ASTN2: variants seen among roughly 807,000 people sequenced by gnomAD.
ASTN2 encodes astrotactin 2.
Under a neutral mutation model 139.8 loss-of-function variants are expected in ASTN2, and 54 were observed. That is an observed-to-expected ratio of 0.39 (90% CI 0.31 to 0.48). The LOEUF is 0.48. Ranked by LOEUF, ASTN2 falls within the 20% of genes least tolerant of loss-of-function variation. The pLI is 0.95. For synonymous variants in ASTN2, 756 were observed against 719.5 expected, an observed-to-expected ratio of 1.05 and a Z score of -0.81; for missense variants, 1,565 against 1,725.1, an observed-to-expected ratio of 0.91 and a Z score of 1.64.
chr9:116,617,893 A>G (rs894889007), intron 19 of ASTN2, among the ~76,000 whole-genome samples: 9 of 152,174 alleles, frequency 5.9e-5, no homozygotes, highest in African/African-American at 2.2e-4. Flanking sequence ...ATCACTTCCA[A>G]TTATCTCTCT....
intron 13 of ASTN2, among the ~76,000 whole-genome samples, chr9:116,787,927 T>C (rs1830420531): frequency 6.6e-6 from 1 of 152,198 alleles, no homozygotes; most frequent in Non-Finnish European, 1.5e-5. Context: ...GGGAAACTGA[T>C]TGCAGGGTAT....
intron 16 of ASTN2, among the ~76,000 whole-genome samples, chr9:116,715,359 G>A (rs1197564568): frequency 1.3e-5 from 2 of 152,128 alleles, no homozygotes; most frequent in African/African-American, 4.8e-5. Context: ...GGGGATGCAG[G>A]TACTATATTG....
intron 2 of ASTN2, among the ~76,000 whole-genome samples, chr9:117,287,438 G>C (rs1981126): frequency 0.44 from 67,258 of 151,972 alleles, 15,203 homozygotes; most frequent in East Asian, 0.57. Flanking sequence ...GAAAATGGTG[G>C]CCTGTTATAT....
intron 20 of ASTN2, among the ~76,000 whole-genome samples, chr9:116,456,908 G>C (rs912863076): frequency 1.3e-5 from 2 of 152,094 alleles, no homozygotes; most frequent in Non-Finnish European, 2.9e-5. Context: ...ATCCTGAGCA[G>C]AGAGAACAAA....
At chr9:117,072,857 AG>A (rs1828171651) in intron 5 of ASTN2, among the ~76,000 whole-genome samples, 1 of 152,210 alleles carries the variant, frequency 6.6e-6, no homozygotes, top group Non-Finnish European at 1.5e-5. Context: ...TAGCATACAA[AG>A]GGTTAGGTAT....
intron 10 of ASTN2, among the ~76,000 whole-genome samples, chr9:116,942,067 T>C (rs893879472): frequency 1.4e-5 from 2 of 142,076 alleles, no homozygotes; most frequent in Non-Finnish European, 3.1e-5. Context: ...TGTATGTGCA[T>C]GCAAGTGCAC....
intron 13 of ASTN2, among the ~76,000 whole-genome samples, chr9:116,757,508 G>A (rs755236480): frequency 3.3e-5 from 5 of 151,928 alleles, no homozygotes; most frequent in African/African-American, 4.8e-5. Flanking sequence ...AGGAGGATGG[G>A]GTCTTTCTTC....
intron 22 of ASTN2, among the ~76,000 whole-genome samples, chr9:116,429,317 C>A (rs1191444195): frequency 9.0e-6 from 1 of 110,740 alleles, no homozygotes; most frequent in Non-Finnish European, 1.7e-5. Flanking sequence ...CCAGCCTGGG[C>A]AACAATAGCG....
chr9:117,199,259 T>C (rs1831619183), intron 3 of ASTN2, among the ~76,000 whole-genome samples: 1 of 152,144 alleles, frequency 6.6e-6, no homozygotes, highest in Admixed American at 6.6e-5. Context: ...GTTTTTATGG[T>C]TTTGGGTTTT....
chr9:117,002,894 T>A (rs1322502667), intron 7 of ASTN2, among the ~76,000 whole-genome samples: 1 of 152,026 alleles, frequency 6.6e-6, no homozygotes, highest in Non-Finnish European at 1.5e-5. Flanking sequence ...TGACAGTAGG[T>A]GGGAGGGCCC....
chr9:117,221,664 C>T (rs1236179868), intron 2 of ASTN2, among the ~76,000 whole-genome samples: 6 of 152,260 alleles, frequency 3.9e-5, no homozygotes, highest in East Asian at 3.9e-4. Flanking sequence ...CTGGCAGCCA[C>T]GATGCCATGA....
At chr9:117,400,404 G>C (rs1462465566) in intron 1 of ASTN2, among the ~76,000 whole-genome samples, 2 of 152,174 alleles carry the variant, frequency 1.3e-5, no homozygotes, top group African/African-American at 4.8e-5. Context: ...AAGTGAGTGG[G>C]GGCGATTCCC....
chr9:116,807,655 A>G (rs1167893360), intron 12 of ASTN2, among the ~76,000 whole-genome samples: 1 of 152,194 alleles, frequency 6.6e-6, no homozygotes, highest in African/African-American at 2.4e-5. Context: ...TGAGTGTTTC[A>G]TAAAGTCTAG....
chr9:117,008,845 C>T (rs1035050952), intron 6 of ASTN2, among the ~76,000 whole-genome samples: 3 of 152,078 alleles, frequency 2.0e-5, no homozygotes, highest in Admixed American at 2.0e-4. Context: ...AGCATCCAGG[C>T]CTCCTCACCT....
At chr9:117,091,482 C>G (rs533368347) in intron 5 of ASTN2, among the ~76,000 whole-genome samples, 1 of 152,258 alleles carries the variant, frequency 6.6e-6, no homozygotes, top group Non-Finnish European at 1.5e-5. Context: ...GGGTACAGCA[C>G]AGCATCTGGT....
intron 19 of ASTN2, among the ~76,000 whole-genome samples, chr9:116,560,263 C>T (rs546810659): frequency 6.6e-6 from 1 of 152,300 alleles, no homozygotes; most frequent in East Asian, 1.9e-4. Context: ...AATCTCATTA[C>T]ATCACTAACT....
intron 6 of ASTN2, among the ~76,000 whole-genome samples, chr9:117,015,175 C>T (rs1837639684): frequency 6.6e-6 from 1 of 151,962 alleles, no homozygotes; most frequent in Non-Finnish European, 1.5e-5. Context: ...GACCATCACA[C>T]CTGACTAATT....
intron 1 of ASTN2, among the ~76,000 whole-genome samples, chr9:117,306,007 A>G (rs979437215): frequency 1.3e-5 from 2 of 152,226 alleles, no homozygotes; most frequent in African/African-American, 4.8e-5. Flanking sequence ...TTGAAGCAAC[A>G]GAGCCTGTCT....
intron 1 of ASTN2, among the ~76,000 whole-genome samples, chr9:117,337,108 T>G (rs1051242440): frequency 3.9e-5 from 6 of 152,144 alleles, no homozygotes; most frequent in African/African-American, 1.4e-4. Flanking sequence ...TAAAAATACA[T>G]GTATGCAAAT....
Sources: gnomAD v4.1 joint callset for allele counts (sites outside exome capture counted in the v4.1 genomes callset) on GRCh38, gnomAD v4.1.1 for gene constraint, MANE v1.5 for transcripts, NCBI Gene and HGNC (gene_info 2026-07-23, HGNC 2026-07-21) for gene names.